Variants in KY observed in about 807,000 individuals in gnomAD.
KY encodes kyphoscoliosis peptidase.
KY carries 43 observed loss-of-function variants against 76.1 expected under a neutral mutation model. That is an observed-to-expected ratio of 0.57 (90% CI 0.44 to 0.73). The LOEUF is 0.73. KY is among the 30% of genes least tolerant of loss of function. KY has a pLI of 0.00. For missense variants in KY, 722 were observed against 828.9 expected, an observed-to-expected ratio of 0.87 and a Z score of 1.58; for synonymous variants, 277 against 326.2, an observed-to-expected ratio of 0.85 and a Z score of 1.63.
Position 134,620,916 on chromosome 3 carries a change from AGCATCTT to A in KY, c.484-66_484-60del, listed in dbSNP as rs1219216189. On this transcript the variant is annotated intron_variant, in intron 6 of 10. Transcript: ENST00000423778. ...CTCGAGGAGGGGCTGTTGGGGGCCC[AGCATCTT>A]GCACCTACAGCCAGTGCTGCTCTTC... 1.7e-5 allele frequency: 17 copies of A among 1,017,030 alleles called. No individual in the cohort carries two copies. The Admixed American group carries it at 3.4e-4, about 20-fold the overall frequency. 63.0% of individuals were successfully genotyped at this position (1,017,030 alleles called of 1,614,324 possible).
chr3:134,608,223 G>A, intron 10 of KY: 1 of 1,187,066 alleles, frequency 8.4e-7, no homozygotes, highest in Non-Finnish European at 1.1e-6. Flanking sequence ...TTCTGTTGGG[G>A]ACCTGAGCCC....
chr3:134,635,605 G>T (rs1409204680), intron 3 of KY, among the ~76,000 whole-genome samples: 1 of 151,766 alleles, frequency 6.6e-6, no homozygotes, highest in East Asian at 1.9e-4. Context: ...TAGAACTGCT[G>T]TATATTCCGA....
intron 10 of KY, chr3:134,607,799 C>A: frequency 1.0e-6 from 1 of 987,364 alleles, no homozygotes; most frequent in Non-Finnish European, 1.2e-6. Flanking sequence ...AGCTGGGTAT[C>A]CTATACTGCC....
chr3:134,645,600 A>C (rs530387839), intron 2 of KY, among the ~76,000 whole-genome samples: 1 of 152,360 alleles, frequency 6.6e-6, no homozygotes, highest in African/African-American at 2.4e-5. Flanking sequence ...CATGCATGCA[A>C]ACGTACCATT....
At chr3:134,630,393 A>G (rs1461704190) in intron 3 of KY, among the ~76,000 whole-genome samples, 1 of 136,180 alleles carries the variant, frequency 7.3e-6, no homozygotes, top group Non-Finnish European at 1.6e-5. Flanking sequence ...TATGAGGGCA[A>G]ATATTTACTG....
intron 3 of KY, among the ~76,000 whole-genome samples, chr3:134,637,754 G>A (rs924295009): frequency 6.6e-6 from 1 of 152,208 alleles, no homozygotes; most frequent in African/African-American, 2.4e-5. Flanking sequence ...TTGCCATCCT[G>A]CGTTACATGC....
intron 8 of KY, among the ~76,000 whole-genome samples, chr3:134,613,404 C>T (rs954899260): frequency 6.6e-6 from 1 of 152,170 alleles, no homozygotes. Context: ...TGCCCCAGCC[C>T]TGGAAAGGAG....
rs1328015846 is a variant in KY, at chr3:134,647,422, A to G, written c.199+13T>C. On this transcript the variant is annotated intron_variant, in intron 2 of 10. Transcript: ENST00000423778. ...ATTAAATCCTATAGGTTGAAAGGAA[A>G]AAGAGAATTTACCGTGAAAGTCATT... is the stretch of plus-strand genomic sequence containing the variant. 6.3e-7 allele frequency: 1 copy of G among 1,595,692 alleles called. No homozygotes were observed. The highest frequency in any genetic ancestry group is 1.7e-5 in the Admixed American group (1 of 59,348).
At chr3:134,649,619 ACTC>A (rs1966836420) in intron 1 of KY, among the ~76,000 whole-genome samples, 1 of 151,874 alleles carries the variant, frequency 6.6e-6, no homozygotes, top group African/African-American at 2.4e-5. Flanking sequence ...AATCCAAACA[ACTC>A]CTGCTTCAGT....
At chr3:134,645,039 T>A (rs1195807170) in intron 2 of KY, among the ~76,000 whole-genome samples, 1 of 152,196 alleles carries the variant, frequency 6.6e-6, no homozygotes, top group African/African-American at 2.4e-5. Flanking sequence ...GGGAAGGGAA[T>A]CCTCAAGGAG....
At chr3:134,650,474 T>C (rs955498556) in intron 1 of KY, among the ~76,000 whole-genome samples, 1 of 152,154 alleles carries the variant, frequency 6.6e-6, no homozygotes, top group African/African-American at 2.4e-5. Context: ...CTGCTACCCA[T>C]GAGTCAGCCC....
At chr3:134,619,106 G>A in intron 8 of KY, 42 bp downstream of exon 8, 1 of 1,492,434 alleles carries the variant, frequency 6.7e-7, no homozygotes, top group Non-Finnish European at 9.3e-7. Context: ...GAGGGAGAGG[G>A]ATGGGTCCGG....
At chr3:134,632,316 A>G (rs1368209299) in intron 3 of KY, among the ~76,000 whole-genome samples, 1 of 152,074 alleles carries the variant, frequency 6.6e-6, no homozygotes, top group Admixed American at 6.5e-5. Context: ...ACGCACATTC[A>G]TGTCAAATGC....
intron 3 of KY, among the ~76,000 whole-genome samples, chr3:134,642,727 A>G (rs1477722977): frequency 6.6e-6 from 1 of 152,332 alleles, no homozygotes; most frequent in Non-Finnish European, 1.5e-5. Flanking sequence ...GAGGGCTTGG[A>G]TGCCATGAGC....
chr3:134,601,363 C>T lies in KY; in HGVS notation c.*2216G>A, dbSNP rs983212850. Among the ~76,000 whole-genome samples, 1 of 152,034 alleles carries T rather than the reference C, an allele frequency of 6.6e-6. No individual in the cohort carries two copies. Among genetic ancestry groups the T allele is most frequent in the Non-Finnish European group, 1.5e-5 (1 of 68,014 alleles). On this transcript the variant is annotated 3_prime_UTR_variant, in exon 11 of 11. Coordinates refer to ENST00000423778, the MANE Select transcript of KY (RefSeq NM_178554.6). ...GCTGGGTGGCATTCTCTGCAATGCT[C>T]CAGGATGTATTGATTAATTATATTG... is the stretch of plus-strand genomic sequence containing the variant.
chr3:134,620,623 T>G (rs993048325), intron 7 of KY, 126 bp downstream of exon 7: 1 of 671,610 alleles, frequency 1.5e-6, no homozygotes, highest in East Asian at 2.7e-5. Flanking sequence ...ATCAGTCCAG[T>G]CTTCTGGGTC....
intron 6 of KY, among the ~76,000 whole-genome samples, chr3:134,623,352 G>A (rs908842458): frequency 3.9e-5 from 6 of 152,254 alleles, no homozygotes; most frequent in African/African-American, 1.4e-4. Flanking sequence ...TCATTCACAG[G>A]TAATGGCCTG....
In KY at chr3:134,604,437, G is replaced by A. The variant is rs1959106590; in HGVS notation, c.1128C>T (p.Ala376=). 6.2e-7 allele frequency: 1 copy of A among 1,613,028 alleles called. No individual in the cohort carries two copies. Among genetic ancestry groups the A allele is most frequent in the South Asian group, 1.1e-5 (1 of 91,028 alleles). Residue 376 remains alanine, a synonymous_variant, in exon 11 of 11, where the codon GCC becomes GCT. Transcript: ENST00000423778. The part of the protein sequence containing the change: ...GKATVTIESC[A]PTLFMFMLNG... Reference sequence around the variant, plus strand: ...TGAGCATGAACATGAACAGCGTCGGGGCGCAGCTCTCAATGGTGACCGTGG... The same window carrying A: ...TGAGCATGAACATGAACAGCGTCGGAGCGCAGCTCTCAATGGTGACCGTGG...
At chr3:134,627,141 G>A (rs936196113) in intron 5 of KY, among the ~76,000 whole-genome samples, 5 of 152,182 alleles carry the variant, frequency 3.3e-5, no homozygotes, top group Non-Finnish European at 7.3e-5. Context: ...CATGATTTAT[G>A]CCTCATTAAA....
Sources: gnomAD v4.1 joint callset for allele counts (sites outside exome capture counted in the v4.1 genomes callset) on GRCh38, gnomAD v4.1.1 for gene constraint, MANE v1.5 for transcripts, NCBI Gene and HGNC (gene_info 2026-07-23, HGNC 2026-07-21) for gene names.